The following ROBO2 variants were observed in gnomAD, a reference collection of about 807,000 sequenced individuals.
ROBO2 encodes roundabout homolog 2.
Under a neutral mutation model 160.8 loss-of-function variants are expected in ROBO2, and 53 were observed. The observed-to-expected ratio is 0.33, with a 90% CI of 0.26 to 0.41. ROBO2 has a LOEUF of 0.41. ROBO2 is among the 10% of genes least tolerant of loss of function. The pLI is 1.00. For synonymous variants in ROBO2, 664 were observed against 611.7 expected (o/e 1.09, Z -1.26); for missense variants, 1,577 against 1,722.4 (o/e 0.92, Z 1.49).
chr3:77,161,452 A>C (rs774100179), intron 2 of ROBO2, among the ~76,000 whole-genome samples: 10 of 152,150 alleles, frequency 6.6e-5, no homozygotes, highest in Non-Finnish European at 1.3e-4. Flanking sequence ...AAATGTGTGT[A>C]CACACTCTTA....
intron 2 of ROBO2, among the ~76,000 whole-genome samples, chr3:76,072,825 GGCCTCAGAGGCAGTAAAGTTGTAC>G (rs2068506934): frequency 6.6e-6 from 1 of 152,142 alleles, no homozygotes; most frequent in South Asian, 2.1e-4. Context: ...AATGTAGGCA[GGCCTCAGAGGCAGTAAAGTTGTAC>G]TAAGAAGTAC....
intron 2 of ROBO2, among the ~76,000 whole-genome samples, chr3:77,362,349 G>T (rs1273566681): frequency 6.6e-6 from 1 of 152,084 alleles, no homozygotes; most frequent in East Asian, 1.9e-4. Context: ...ATGGAAAATT[G>T]CTAAGAGGAA....
intron 2 of ROBO2, among the ~76,000 whole-genome samples, chr3:76,118,011 G>A (rs568053002): frequency 6.6e-6 from 1 of 152,116 alleles, no homozygotes; most frequent in African/African-American, 2.4e-5. Flanking sequence ...GGGGTGAGGG[G>A]GAGGGATGGC....
chr3:76,233,829 A>G (rs1704771879), intron 2 of ROBO2, among the ~76,000 whole-genome samples: 1 of 152,034 alleles, frequency 6.6e-6, no homozygotes, highest in Non-Finnish European at 1.5e-5. Context: ...TTTAACTTTT[A>G]TTTTAGGTTT....
chr3:76,312,889 T>C (rs1266037603), intron 2 of ROBO2, among the ~76,000 whole-genome samples: 1 of 152,236 alleles, frequency 6.6e-6, no homozygotes, highest in Non-Finnish European at 1.5e-5. Flanking sequence ...TTTAAAATGC[T>C]TGTGTGTGTT....
chr3:76,069,502 G>A (rs1363187899), intron 2 of ROBO2, among the ~76,000 whole-genome samples: 1 of 148,692 alleles, frequency 6.7e-6, no homozygotes, highest in Non-Finnish European at 1.5e-5. Flanking sequence ...AGCTGATGAA[G>A]CCAGACAGCA....
chr3:77,558,310 T>G (rs935288393), intron 9 of ROBO2, among the ~76,000 whole-genome samples, 161 bp downstream of exon 10: 1 of 152,038 alleles, frequency 6.6e-6, no homozygotes, highest in Admixed American at 6.6e-5. Context: ...GAAATGAAAT[T>G]AGAGGAAAGG....
chr3:76,907,820 T>TGG (rs959729161), intron 2 of ROBO2, among the ~76,000 whole-genome samples: 18 of 92,426 alleles, frequency 1.9e-4, no homozygotes, highest in Middle Eastern at 5.3e-3. Flanking sequence ...TTTGTTTGTT[T>TGG]GGGGTGTGTG....
At chr3:77,099,769 T>G (rs1207040616) in intron 2 of ROBO2, among the ~76,000 whole-genome samples, 3 of 152,146 alleles carry the variant, frequency 2.0e-5, no homozygotes, top group African/African-American at 7.2e-5. Context: ...ACTGGCATTA[T>G]TCTCCCATTT....
chr3:76,628,142 A>G (rs1448431243), intron 2 of ROBO2, among the ~76,000 whole-genome samples: 1 of 152,202 alleles, frequency 6.6e-6, no homozygotes, highest in Admixed American at 6.5e-5. Context: ...AGAAAGTAGA[A>G]TAAGTGTGCC....
chr3:77,161,969 T>G (rs371027812), intron 2 of ROBO2, among the ~76,000 whole-genome samples: 1 of 152,172 alleles, frequency 6.6e-6, no homozygotes, highest in African/African-American at 2.4e-5. Context: ...ATTTCTCTAG[T>G]GCAAATTCAG....
intron 2 of ROBO2, among the ~76,000 whole-genome samples, chr3:76,378,674 C>T (rs2076470105): frequency 6.6e-6 from 1 of 152,156 alleles, no homozygotes; most frequent in Non-Finnish European, 1.5e-5. Context: ...GGAGCAAAGC[C>T]TTCAATTCTG....
chr3:77,004,456 C>T (rs2061483441), intron 2 of ROBO2, among the ~76,000 whole-genome samples: 1 of 152,210 alleles, frequency 6.6e-6, no homozygotes, highest in Admixed American at 6.5e-5. Context: ...GCCATGCCTA[C>T]TCCCACATTT....
intron 2 of ROBO2, among the ~76,000 whole-genome samples, chr3:76,451,577 G>T (rs2077476552): frequency 6.6e-6 from 1 of 152,108 alleles, no homozygotes; most frequent in Non-Finnish European, 1.5e-5. Context: ...AGCTGCTCCA[G>T]GTGAATGGGG....
At chr3:77,133,571 G>A (rs2076033722) in intron 2 of ROBO2, among the ~76,000 whole-genome samples, 1 of 151,860 alleles carries the variant, frequency 6.6e-6, no homozygotes, top group South Asian at 2.1e-4. Context: ...TTTGCAAAAG[G>A]CAAAGAAACA....
intron 2 of ROBO2, among the ~76,000 whole-genome samples, chr3:76,964,964 G>A (rs1287119951): frequency 1.3e-5 from 2 of 152,176 alleles, no homozygotes; most frequent in African/African-American, 4.8e-5. Context: ...ACAAGTATGA[G>A]GATGCCACAT....
At chr3:76,342,033 A>G (rs1048064872) in intron 2 of ROBO2, among the ~76,000 whole-genome samples, 6 of 152,266 alleles carry the variant, frequency 3.9e-5, no homozygotes, top group African/African-American at 1.2e-4. Context: ...AATGTTATGA[A>G]ACAGTGTTTA....
intron 2 of ROBO2, among the ~76,000 whole-genome samples, chr3:76,452,174 TTTTTA>T (rs1480382779): frequency 2.6e-5 from 4 of 152,024 alleles, no homozygotes; most frequent in African/African-American, 7.2e-5. Context: ...CCAACTTATT[TTTTTA>T]TTTTATTATT....
At chr3:77,616,759 T>C (rs1290385298) in intron 21 of ROBO2, among the ~76,000 whole-genome samples, 1 of 152,202 alleles carries the variant, frequency 6.6e-6, no homozygotes, top group Admixed American at 6.5e-5. Context: ...TTAAAACTTT[T>C]TGGATTAATT....
Sources: allele counts gnomAD v4.1 joint callset (sites outside exome capture counted in the v4.1 genomes callset), GRCh38; gene constraint gnomAD v4.1.1; transcripts MANE v1.5; gene names NCBI Gene and HGNC (gene_info 2026-07-23, HGNC 2026-07-21).